FSD2: variants seen among roughly 807,000 people sequenced by gnomAD.
FSD2 encodes fibronectin type III and SPRY domain containing 2.
Under a neutral mutation model 80.4 loss-of-function variants are expected in FSD2, and 71 were observed. The ratio of observed to expected loss-of-function variants is 0.88; its 90% CI spans 0.73 to 1.08. The LOEUF (loss-of-function observed/expected upper bound fraction) is 1.08. Ranked by LOEUF, FSD2 falls within the 50% of genes least tolerant of loss-of-function variation. FSD2 has a pLI of 0.00. For missense variants in FSD2, 923 were observed against 913.8 expected (o/e 1.01, Z -0.13); for synonymous variants, 361 against 329.5 (o/e 1.10, Z -1.03).
intron 1 of FSD2, among the ~76,000 whole-genome samples, chr15:82,801,675 T>C (rs554488732): frequency 6.6e-6 from 1 of 152,308 alleles, no homozygotes; most frequent in East Asian, 1.9e-4. Flanking sequence ...TGGATCCTCA[T>C]AAGGAAACCT....
rs773626632 is a variant in FSD2 at position 82,786,620 on chromosome 15, G to T, written c.640-14C>A. ...GTGAATTTCATCCTATCCAACAGAG[G>T]ATCACAAAGAAGGTATTAATGTTAC... On this transcript the variant is annotated splice_polypyrimidine_tract_variant and intron_variant, in intron 2 of 12. Transcript: ENST00000334574. The T allele has an allele frequency of 1.1e-5, 17 of 1,609,842 alleles. No homozygotes were observed. The highest frequency in any genetic ancestry group is 1.4e-5 in the Non-Finnish European group (16 of 1,176,376).
At chr15:82,769,619 A>G in intron 8 of FSD2, 131 bp downstream of exon 8, 1 of 1,166,950 alleles carries the variant, frequency 8.6e-7, no homozygotes, top group Non-Finnish European at 1.2e-6. Flanking sequence ...TGTGTTAAAT[A>G]AAAGAAAAAA....
At chr15:82,766,072 A>G in intron 9 of FSD2, 41 bp from the exon 10 acceptor site, 1 of 1,527,286 alleles carries the variant, frequency 6.5e-7, no homozygotes. Flanking sequence ...TGGGGCTAGG[A>G]CACCCAGGCC....
intron 1 of FSD2, among the ~76,000 whole-genome samples, chr15:82,794,239 T>C (rs574406213): frequency 3.3e-5 from 5 of 152,292 alleles, no homozygotes; most frequent in African/African-American, 4.8e-5. Flanking sequence ...TTTGACCCAT[T>C]GGTTATTGAG....
intron 1 of FSD2, among the ~76,000 whole-genome samples, chr15:82,802,352 G>A (rs565434106): frequency 1.3e-5 from 2 of 152,226 alleles, no homozygotes; most frequent in Admixed American, 1.3e-4. Context: ...CAAGGTCAAA[G>A]TTCCCTTCCA....
chr15:82,796,003 T>C (rs1382040867), intron 1 of FSD2, among the ~76,000 whole-genome samples: 1 of 77,112 alleles, frequency 1.3e-5, no homozygotes, highest in East Asian at 5.3e-4. Flanking sequence ...TTCTTTTCTT[T>C]TTTTTTTTTT....
At chr15:82,772,784 C>G (rs908502118) in intron 6 of FSD2, among the ~76,000 whole-genome samples, 2 of 152,214 alleles carry the variant, frequency 1.3e-5, no homozygotes, top group Non-Finnish European at 2.9e-5. Context: ...ATCTCCCCCA[C>G]CCCTATACAG....
intron 12 of FSD2, among the ~76,000 whole-genome samples, chr15:82,760,585 C>T (rs1466587376): frequency 2.3e-5 from 1 of 42,842 alleles, no homozygotes; most frequent in Non-Finnish European, 3.9e-5. Context: ...TAAGCAGCTG[C>T]CAGAAGCTAT....
At chr15:82,788,699 T>C (rs1383310271) in intron 1 of FSD2, among the ~76,000 whole-genome samples, 1 of 152,024 alleles carries the variant, frequency 6.6e-6, no homozygotes, top group Non-Finnish European at 1.5e-5. Context: ...CTTGGCAACC[T>C]GGGTCAGGAA....
intron 1 of FSD2, among the ~76,000 whole-genome samples, chr15:82,799,572 C>T (rs2050361970): frequency 6.6e-6 from 1 of 152,142 alleles, no homozygotes; most frequent in African/African-American, 2.4e-5. Flanking sequence ...TGAGCAGCCC[C>T]CTCCAGCAGC....
At chr15:82,789,247 C>T (rs190682801) in intron 1 of FSD2, among the ~76,000 whole-genome samples, 1 of 151,910 alleles carries the variant, frequency 6.6e-6, no homozygotes, top group East Asian at 1.9e-4. Flanking sequence ...CAAATGATAA[C>T]TTGGAAAAAG....
Position 82,756,112 on chromosome 15 carries a change from A to G in FSD2, c.*3236T>C, listed in dbSNP as rs375977679. 1.4e-5 allele frequency: 6 copies of G among 423,798 alleles called. No homozygotes were observed. Among genetic ancestry groups the G allele is most frequent in the Middle Eastern group, 7.8e-4 (1 of 1,284 alleles). The allele number at this position is 423,798 out of a possible 1,614,324, so 26.3% of individuals were successfully genotyped here. A position where few individuals can be genotyped will look rare whatever the true frequency, so the allele number is the denominator to read the frequency against. ...TTGTCTTCCTATAGAAAATAGGAGT[A>G]GTACACTTATAGATGAGAAAACTGG... is the stretch of plus-strand genomic sequence containing the variant. On this transcript the variant is annotated 3_prime_UTR_variant, in exon 13 of 13. Coordinates refer to ENST00000334574, the MANE Select transcript of FSD2 (RefSeq NM_001007122.4).
intron 4 of FSD2, among the ~76,000 whole-genome samples, chr15:82,781,699 C>T (rs1373368627): frequency 6.6e-6 from 1 of 152,066 alleles, no homozygotes; most frequent in Admixed American, 6.5e-5. Context: ...ATTTAAGGTG[C>T]CTTTTCAGCC....
chr15:82,783,340 C>G (rs1429926430), intron 3 of FSD2, among the ~76,000 whole-genome samples: 1 of 152,196 alleles, frequency 6.6e-6, no homozygotes, highest in Non-Finnish European at 1.5e-5. Flanking sequence ...CTCAAGTGAT[C>G]CGCCTGCCTC....
At chr15:82,786,231 A>G (rs1226162264) in intron 3 of FSD2, among the ~76,000 whole-genome samples, 2 of 152,182 alleles carry the variant, frequency 1.3e-5, no homozygotes, top group Non-Finnish European at 2.9e-5. Context: ...CCTGCTCTGA[A>G]ACATACCATG....
At position 82,759,170 on chromosome 15, in the gene FSD2, C is replaced by G; in HGVS notation, c.*178G>C. On this transcript the variant is annotated 3_prime_UTR_variant, in exon 13 of 13. Coordinates refer to ENST00000334574, the MANE Select transcript of FSD2 (RefSeq NM_001007122.4). ...TATCCTAGCAGCACACAGGTAGCAG[C>G]ACACAGGACTAGAATCCAGGTTGGG... 1.6e-6 allele frequency: 1 copy of G among 644,810 alleles called. No homozygotes were observed. Among genetic ancestry groups the G allele is most frequent in the East Asian group, 2.8e-5 (1 of 35,804 alleles). The allele number at this position is 644,810 out of a possible 1,614,324, so 39.9% of individuals were successfully genotyped here.
At chr15:82,805,502 T>C (rs1181582100) in intron 1 of FSD2, among the ~76,000 whole-genome samples, 6 of 152,216 alleles carry the variant, frequency 3.9e-5, no homozygotes, top group Non-Finnish European at 7.3e-5. Context: ...GCTGTATGCA[T>C]AACAAGTGAA....
At chr15:82,770,031 CT>C in intron 7 of FSD2, 147 bp from the exon 8 acceptor site, 1 of 837,938 alleles carries the variant, frequency 1.2e-6, no homozygotes. Flanking sequence ...CATGACTTTG[CT>C]GCTCCTTCCA....
intron 1 of FSD2, among the ~76,000 whole-genome samples, chr15:82,799,711 C>A (rs549575017): frequency 1.1e-4 from 16 of 152,304 alleles, no homozygotes; most frequent in African/African-American, 3.8e-4. Context: ...TCCCACCAGC[C>A]CTGCCAGAAC....
Sources: allele counts gnomAD v4.1 joint callset (sites outside exome capture counted in the v4.1 genomes callset), GRCh38; gene constraint gnomAD v4.1.1; transcripts MANE v1.5; gene names NCBI Gene and HGNC (gene_info 2026-07-23, HGNC 2026-07-21).